IFT74: variants seen among roughly 807,000 people sequenced by gnomAD.
The protein encoded by IFT74 is intraflagellar transport protein 74 homolog.
Under a neutral mutation model 96.7 loss-of-function variants are expected in IFT74, and 92 were observed. The ratio of observed to expected loss-of-function variants is 0.95; its 90% CI spans 0.80 to 1.13. IFT74 has a LOEUF of 1.13. IFT74 is among the 50% of genes most tolerant of loss of function. IFT74 has a pLI of 0.00. For missense variants in IFT74, 811 were observed against 698.2 expected, an observed-to-expected ratio of 1.16 and a Z score of -1.82; for synonymous variants, 223 against 213.2, an observed-to-expected ratio of 1.05 and a Z score of -0.40.
intron 8 of IFT74, 32 bp downstream of exon 8, chr9:26,990,227 T>A: frequency 8.6e-7 from 1 of 1,160,676 alleles, no homozygotes; most frequent in Non-Finnish European, 1.2e-6. Flanking sequence ...ATTAGATTCA[T>A]AAGTAAGCTT....
chr9:26,964,617 GT>G (rs201459115), intron 2 of IFT74, among the ~76,000 whole-genome samples: 2,283 of 152,134 alleles, frequency 0.015, 61 homozygotes, highest in African/African-American at 0.052. Context: ...TCTTCCATTT[GT>G]TGTAAACTTT....
At chr9:26,947,921 G>T (rs1825797930) in intron 1 of IFT74, among the ~76,000 whole-genome samples, 1 of 152,016 alleles carries the variant, frequency 6.6e-6, no homozygotes, top group African/African-American at 2.4e-5. Context: ...CCACCCACCC[G>T]TGGTGCTACT....
intron 14 of IFT74, among the ~76,000 whole-genome samples, chr9:27,046,471 G>A (rs771367311): frequency 7.9e-5 from 12 of 152,036 alleles, no homozygotes; most frequent in Admixed American, 2.0e-4. Context: ...AGAAATACTC[G>A]AAAATGTAAA....
At chr9:26,978,390 A>G in intron 3 of IFT74, 127 bp downstream of exon 3, 1 of 876,852 alleles carries the variant, frequency 1.1e-6, no homozygotes, top group Non-Finnish European at 1.7e-6. Flanking sequence ...CCATTTTTTT[A>G]AATCAGGATT....
rs529422914 is a variant in IFT74, at chr9:26,984,550, C to T, written c.456C>T (p.Asp152=). 41 of 1,609,166 alleles carry T rather than the reference C, an allele frequency of 2.5e-5. No homozygotes were observed. In the East Asian group the frequency reaches 4.7e-4, roughly 18 times the overall value. ...EIKELQGQLA[D]YNMLVDKLNT... Reference sequence around the variant, plus strand: ...AAGAGCTTCAAGGACAACTAGCAGACTACAACATGGTATTTTATCTTTTCT... The same window carrying T: ...AAGAGCTTCAAGGACAACTAGCAGATTACAACATGGTATTTTATCTTTTCT... The change falls in exon 6 of 20, where the codon GAC becomes GAT. Residue 152 remains aspartate (D), a synonymous_variant. Coordinates refer to ENST00000380062, the MANE Select transcript of IFT74 (RefSeq NM_025103.4).
chr9:26,961,809 C>G lies in IFT74; in HGVS notation c.-19-140C>G, dbSNP rs1175785311. The G allele has an allele frequency of 4.2e-6, 3 of 716,924 alleles. No individual in the cohort carries two copies. The South Asian group carries it at 6.8e-5, about 16-fold the overall frequency. The allele number at this position is 716,924 out of a possible 1,614,324, so 44.4% of individuals were successfully genotyped here. On this transcript the variant is annotated intron_variant, in intron 1 of 19. Transcript: ENST00000380062. ...AATGGAGCACGATGTCATATTTGAA[C>G]AAAATTAGCCTTGTAGTGGTACACA...
At position 26,984,077 on chromosome 9, in the gene IFT74, C is replaced by T. The variant is rs1827518873; in HGVS notation, c.306-180C>T. 6 of 443,046 alleles carry T rather than the reference C, an allele frequency of 1.4e-5. No individual in the cohort carries two copies. In the South Asian group the frequency reaches 1.7e-4, roughly 12 times the overall value. The allele number at this position is 443,046 out of a possible 1,614,324, so 27.4% of individuals were successfully genotyped here. Reference sequence around the variant, plus strand: ...GGGATTACAGGCTTGACCCACCGCACCCAGCCAGAATATACCTCATTCTTA... The same window carrying T: ...GGGATTACAGGCTTGACCCACCGCATCCAGCCAGAATATACCTCATTCTTA... On this transcript the variant is annotated intron_variant, in intron 4 of 19. Coordinates refer to ENST00000380062, the MANE Select transcript of IFT74 (RefSeq NM_025103.4).
intron 8 of IFT74, among the ~76,000 whole-genome samples, chr9:27,002,387 G>T (rs1828545281): frequency 6.6e-6 from 1 of 152,256 alleles, no homozygotes; most frequent in Non-Finnish European, 1.5e-5. Flanking sequence ...CGAAAAGAGA[G>T]TCAGCCCTCC....
At chr9:26,956,892 G>T (rs1318516862) in intron 1 of IFT74, among the ~76,000 whole-genome samples, 1 of 152,264 alleles carries the variant, frequency 6.6e-6, no homozygotes, top group East Asian at 1.9e-4. Flanking sequence ...TCACCTGTGT[G>T]AGAATGGTTG....
chr9:27,031,986 A>G (rs980484955), intron 13 of IFT74, among the ~76,000 whole-genome samples: 6 of 152,066 alleles, frequency 3.9e-5, no homozygotes, highest in Non-Finnish European at 7.4e-5. Flanking sequence ...TGTGGGGATT[A>G]CAGGTGTGAG....
rs905411832 is a variant in IFT74 at position 26,997,655 on chromosome 9, G to C, written c.587+7460G>C. ...GGCTGCTTCCTTTTCTTTAAAACGT[G>C]ATATGAGAGATTTTTCTGTGGTGGA... On this transcript the variant is annotated intron_variant, in intron 8 of 19. Coordinates refer to ENST00000380062, the MANE Select transcript of IFT74 (RefSeq NM_025103.4). 8.2e-6 allele frequency: 12 copies of C among 1,467,540 alleles called. No homozygotes were observed. In the African/African-American group the frequency reaches 1.3e-4, roughly 16 times the overall value. 90.9% of individuals were successfully genotyped at this position (1,467,540 alleles called of 1,614,324 possible).
At chr9:27,008,717 A>G (rs1169348859) in intron 8 of IFT74, among the ~76,000 whole-genome samples, 1 of 152,190 alleles carries the variant, frequency 6.6e-6, no homozygotes, top group African/African-American at 2.4e-5. Flanking sequence ...CCTCATATAT[A>G]TAAGTCATTA....
chr9:27,022,516 T>C (rs142244688), intron 12 of IFT74, among the ~76,000 whole-genome samples: 2 of 152,178 alleles, frequency 1.3e-5, no homozygotes, highest in Admixed American at 1.3e-4. Context: ...CGGCAGTGTT[T>C]TGTAGTTTTC....
chr9:26,987,627 A>T (rs1431037187), intron 6 of IFT74, among the ~76,000 whole-genome samples: 1 of 152,212 alleles, frequency 6.6e-6, no homozygotes, highest in African/African-American at 2.4e-5. Flanking sequence ...GAAAAATGTG[A>T]TATACCTTAC....
chr9:26,959,533 G>C (rs1023568544), intron 1 of IFT74, among the ~76,000 whole-genome samples: 1 of 152,216 alleles, frequency 6.6e-6, no homozygotes, highest in African/African-American at 2.4e-5. Flanking sequence ...CATGGTAACA[G>C]ACTGAAGGAA....
At chr9:26,958,731 A>T (rs1826225141) in intron 1 of IFT74, among the ~76,000 whole-genome samples, 1 of 152,196 alleles carries the variant, frequency 6.6e-6, no homozygotes, top group African/African-American at 2.4e-5. Context: ...TATTATTTGG[A>T]TATAAACACC....
At chr9:26,999,013 A>T (rs62542667) in intron 8 of IFT74, among the ~76,000 whole-genome samples, 16,034 of 152,148 alleles carry the variant, frequency 0.11, 1,086 homozygotes, top group South Asian at 0.26. Flanking sequence ...CAATCAATCA[A>T]TCAGTCTGAA....
chr9:26,976,200 G>A (rs998610880), intron 2 of IFT74, among the ~76,000 whole-genome samples: 2 of 152,120 alleles, frequency 1.3e-5, no homozygotes, highest in Admixed American at 6.5e-5. Context: ...AGTGGGACAC[G>A]TCTCCCCCTG....
intron 3 of IFT74, among the ~76,000 whole-genome samples, chr9:26,980,156 A>C (rs1322729197): frequency 2.0e-5 from 3 of 152,316 alleles, no homozygotes; most frequent in South Asian, 2.1e-4. Context: ...CAGAAATTTA[A>C]ATTAGTTCCC....
Sources: allele counts gnomAD v4.1 joint callset (sites outside exome capture counted in the v4.1 genomes callset), GRCh38; gene constraint gnomAD v4.1.1; transcripts MANE v1.5; gene names NCBI Gene and HGNC (gene_info 2026-07-23, HGNC 2026-07-21).